The following SETDB2 variants were observed in gnomAD, a reference collection of about 807,000 sequenced individuals.
The protein encoded by SETDB2 is SET domain bifurcated histone lysine methyltransferase 2, also known as histone-lysine N-methyltransferase SETDB2.
In SETDB2, 56 loss-of-function variants were observed where a neutral mutation model predicts 82.5. The observed-to-expected ratio is 0.68, with a 90% CI of 0.55 to 0.85. The LOEUF is 0.85. Ranked by LOEUF, SETDB2 falls within the 40% of genes least tolerant of loss-of-function variation. The pLI, the probability that SETDB2 is intolerant of heterozygous loss-of-function variation, is 0.00. For synonymous variants in SETDB2, 272 were observed against 284.9 expected, an observed-to-expected ratio of 0.95 and a Z score of 0.46; for missense variants, 677 against 816.4, an observed-to-expected ratio of 0.83 and a Z score of 2.08.
chr13:49,475,461 G>A (rs969801224), intron 5 of SETDB2, among the ~76,000 whole-genome samples: 1 of 151,080 alleles, frequency 6.6e-6, no homozygotes, highest in Admixed American at 6.6e-5. Context: ...TTTAAAACTT[G>A]ATTTCCAAAC....
At chr13:49,471,145 A>ATTT (rs34400700) in intron 5 of SETDB2, among the ~76,000 whole-genome samples, 1 of 142,650 alleles carries the variant, frequency 7.0e-6, no homozygotes, top group East Asian at 2.0e-4. Context: ...AATTTTTAAC[A>ATTT]TTTTTTTTTT....
chr13:49,459,803 C>A (rs1957957943), intron 2 of SETDB2: 2 of 203,536 alleles, frequency 9.8e-6, no homozygotes, highest in Non-Finnish European at 9.7e-6. Flanking sequence ...CATGTATAAT[C>A]TATACATATA....
At chr13:49,477,843 T>C (rs1202227723) in intron 6 of SETDB2, among the ~76,000 whole-genome samples, 1 of 152,246 alleles carries the variant, frequency 6.6e-6, no homozygotes, top group Non-Finnish European at 1.5e-5. Flanking sequence ...AAAAATCATT[T>C]GCTGGCTAAT....
In SETDB2 at chr13:49,466,963, A is replaced by G. The variant is rs1958128606; in HGVS notation, c.209-901A>G. ...GAACCTTGTGCTTGGCTCAGCTATC[A>G]GATTTTAAACCTTTCTTTACTTGGA... On this transcript the variant is annotated intron_variant, in intron 4 of 13. Coordinates refer to ENST00000611815, the MANE Select transcript of SETDB2 (RefSeq NM_001160308.3). Among the ~76,000 whole-genome samples, 21 of 152,216 alleles carry G rather than the reference A, an allele frequency of 1.4e-4. No individual in the cohort carries two copies. In the South Asian group the frequency reaches 4.4e-3, roughly 32 times the overall value.
intron 10 of SETDB2, among the ~76,000 whole-genome samples, chr13:49,484,044 T>C (rs1958540626): frequency 6.6e-6 from 1 of 152,168 alleles, no homozygotes; most frequent in South Asian, 2.1e-4. Context: ...GTGGAAATGC[T>C]AGGACCATGT....
chr13:49,452,018 T>A, intron 2 of SETDB2, 109 bp downstream of exon 2: 1 of 710,498 alleles, frequency 1.4e-6, no homozygotes, highest in Non-Finnish European at 2.2e-6. Flanking sequence ...GGAACTTTTC[T>A]GAATTAGAGG....
At chr13:49,454,408 A>C (rs1020269876) in intron 2 of SETDB2, among the ~76,000 whole-genome samples, 2 of 152,088 alleles carry the variant, frequency 1.3e-5, no homozygotes, top group East Asian at 1.9e-4. Context: ...GACTATCTCA[A>C]AATAAATAAA....
At chr13:49,482,688 T>C (rs779020029) in intron 8 of SETDB2, 49 bp from the exon 9 acceptor site, 1 of 1,190,994 alleles carries the variant, frequency 8.4e-7, no homozygotes, top group African/African-American at 1.5e-5. Flanking sequence ...TGTTTATCAT[T>C]AGCAATTATC....
chr13:49,450,672 G>A (rs1957767966), intron 1 of SETDB2, among the ~76,000 whole-genome samples: 1 of 151,860 alleles, frequency 6.6e-6, no homozygotes, highest in South Asian at 2.1e-4. Flanking sequence ...TTCCCTTTTT[G>A]TTTTCAGCAT....
In SETDB2 at chr13:49,476,838, C is replaced by T; in HGVS notation, c.668C>T (p.Pro223Leu). 4 of 1,613,776 alleles carry T rather than the reference C, an allele frequency of 2.5e-6. No individual in the cohort carries two copies. Among genetic ancestry groups the T allele is most frequent in the Non-Finnish European group, 3.4e-6 (4 of 1,179,942 alleles). ...NTYVQLARNYPKQKEVVSDVD... is the reference protein window; with the variant it reads ...NTYVQLARNYLKQKEVVSDVD... ...TATGTTCAGTTGGCTCGGAATTACC[C>T]AAAGCAAAAAGAAGTTGTTTCTGAT... is the stretch of plus-strand genomic sequence containing the variant. Residue 223 changes from proline to leucine, a missense_variant, in exon 6 of 14, where the codon CCA becomes CTA. Physicochemically the swap from Pro to Leu is moderately conservative, Grantham distance 98. Around this residue, in one of 3 missense-constraint regions of SETDB2, gnomAD observed 243 missense variants for 237.2 expected, o/e 1.02. Transcript: ENST00000611815.
At chr13:49,477,193 T>C (rs1311165306) in intron 6 of SETDB2, among the ~76,000 whole-genome samples, 154 bp downstream of exon 6, 2 of 152,212 alleles carry the variant, frequency 1.3e-5, no homozygotes, top group Admixed American at 1.3e-4. Flanking sequence ...CCCAGCACTT[T>C]TGGGAGACCG....
intron 2 of SETDB2, among the ~76,000 whole-genome samples, chr13:49,457,985 A>G (rs1255707831): frequency 6.6e-6 from 1 of 152,212 alleles, no homozygotes; most frequent in African/African-American, 2.4e-5. Context: ...ACTTAACAAT[A>G]ATCTATGAAG....
At chr13:49,445,345 T>A (rs1398148665) in intron 1 of SETDB2, among the ~76,000 whole-genome samples, 1 of 152,212 alleles carries the variant, frequency 6.6e-6, no homozygotes, top group Non-Finnish European at 1.5e-5. Flanking sequence ...ATGGTAAACG[T>A]GTTTTTAAAG....
chr13:49,482,924 T>G lies in SETDB2; in HGVS notation c.1344T>G (p.Cys448Trp), dbSNP rs1413024862. The change falls in exon 9 of 14, where the codon TGT (cysteine) becomes TGG (tryptophan). Residue 448 changes from cysteine (C) to tryptophan (W), a missense_variant. Cys to Trp is a radical substitution (Grantham distance 215). Around this residue, in one of 3 missense-constraint regions of SETDB2, gnomAD observed 420 missense variants for 554.6 expected, o/e 0.76. Transcript: ENST00000611815. ...THPRTAKTEK[C>W]PPKFSNNPKE... ...CTAGAACTGCTAAAACTGAGAAATG[T>G]CCACCAAAGTTCAGTAATAATCCCA... 1 of 1,613,060 alleles carries G rather than the reference T, an allele frequency of 6.2e-7. No individual in the cohort carries two copies. Among genetic ancestry groups the G allele is most frequent in the Admixed American group, 1.7e-5 (1 of 59,972 alleles).
intron 11 of SETDB2, among the ~76,000 whole-genome samples, chr13:49,487,436 A>G (rs906352634): frequency 3.3e-5 from 5 of 152,146 alleles, no homozygotes; most frequent in African/African-American, 9.7e-5. Context: ...CCTGGGCTCA[A>G]ACAGTCCTCC....
chr13:49,473,824 G>A (rs554038171), intron 5 of SETDB2, among the ~76,000 whole-genome samples: 135 of 152,178 alleles, frequency 8.9e-4, no homozygotes, highest in Non-Finnish European at 1.5e-3. Flanking sequence ...ATCTCAGAGA[G>A]ACAAATAAAT....
rs1245479460 is a variant in SETDB2 at position 49,493,548 on chromosome 13, A to G, written c.*1699A>G. 1 of 152,174 alleles carries G rather than the reference A, an allele frequency of 6.6e-6. No individual in the cohort carries two copies. Among genetic ancestry groups the G allele is most frequent in the South Asian group, 2.1e-4 (1 of 4,826 alleles). The allele number at this position is 152,174 out of a possible 1,614,324, so 9.4% of individuals were successfully genotyped here. On this transcript the variant is annotated 3_prime_UTR_variant, in exon 14 of 14. Coordinates refer to ENST00000611815, the MANE Select transcript of SETDB2 (RefSeq NM_001160308.3). ...TGGGATCTGTTTCCAGTTAGATGCCATTATTTTCCTTTTCCTTGGTTTACT... is the reference window on the plus strand; with the variant it reads ...TGGGATCTGTTTCCAGTTAGATGCCGTTATTTTCCTTTTCCTTGGTTTACT...
chr13:49,485,206 T>G (rs1486668978), intron 10 of SETDB2, among the ~76,000 whole-genome samples: 3 of 152,244 alleles, frequency 2.0e-5, no homozygotes. Context: ...CTACAATGTG[T>G]AAGCATTATC....
chr13:49,483,625 T>TG, intron 10 of SETDB2, 62 bp downstream of exon 10: 2 of 510,830 alleles, frequency 3.9e-6, no homozygotes, highest in South Asian at 2.4e-5. Flanking sequence ...TTTTTTTTTT[T>TG]TTTTTTTTTT....
Sources: gnomAD v4.1 joint callset for allele counts (sites outside exome capture counted in the v4.1 genomes callset) on GRCh38, gnomAD v4.1.1 for gene constraint, gnomAD v4.1.1 regional missense constraint, MANE v1.5 for transcripts, NCBI Gene and HGNC (gene_info 2026-07-23, HGNC 2026-07-21) for gene names.